Variants in DDX4 observed in about 807,000 individuals in gnomAD.
DDX4 encodes the protein DEAD-box helicase 4.
Under a neutral mutation model 100.0 loss-of-function variants are expected in DDX4, and 25 were observed. The ratio of observed to expected loss-of-function variants is 0.25; its 90% CI spans 0.18 to 0.35. The LOEUF (loss-of-function observed/expected upper bound fraction) is 0.35. Ranked by LOEUF, DDX4 falls within the 10% of genes least tolerant of loss-of-function variation. The probability of loss-of-function intolerance (pLI) is 1.00; values close to 1 mark genes in which losing one functional copy is unlikely to be tolerated. For synonymous variants in DDX4, 259 were observed against 275.7 expected (o/e 0.94, Z 0.60); for missense variants, 635 against 882.4 (o/e 0.72, Z 3.55).
intron 17 of DDX4, among the ~76,000 whole-genome samples, chr5:55,794,940 A>C (rs1249435427): frequency 6.7e-6 from 1 of 149,664 alleles, no homozygotes; most frequent in African/African-American, 2.5e-5. Context: ...CTGTATTCCT[A>C]ATCTCTCTCT....
intron 13 of DDX4, 124 bp from the exon 14 acceptor site, chr5:55,786,393 TA>T: frequency 1.6e-6 from 1 of 644,266 alleles, no homozygotes; most frequent in Non-Finnish European, 2.6e-6. Flanking sequence ...GGCATGTTAC[TA>T]AAGTCACTTT....
chr5:55,764,087 T>C (rs777014796), intron 6 of DDX4, 23 bp downstream of exon 6: 5 of 1,562,998 alleles, frequency 3.2e-6, no homozygotes, highest in Non-Finnish European at 4.4e-6. Flanking sequence ...TTTTTGTGTT[T>C]TAAAATTTAA....
intron 2 of DDX4, 49 bp from the exon 3 acceptor site, chr5:55,746,115 G>A (rs66846694): frequency 0.088 from 123,116 of 1,394,044 alleles, 7,710 homozygotes; most frequent in African/African-American, 0.3. Context: ...TAAATGACAC[G>A]TTCATATTCA....
In DDX4 at chr5:55,763,887, C is replaced by T. The variant is rs768209170; in HGVS notation, c.284-127C>T. 1.7e-5 allele frequency: 11 copies of T among 632,290 alleles called. 1 individual carries two copies. In the Admixed American group the frequency reaches 2.4e-4, roughly 14 times the overall value. 39.2% of individuals were successfully genotyped at this position (632,290 alleles called of 1,614,324 possible). A position where few individuals can be genotyped will look rare whatever the true frequency, so the allele number is the denominator to read the frequency against. ...TTGTTGTACAGCCTGAGTGAATTTG[C>T]ATGTGATAGCTATGTATACAATTGT... On this transcript the variant is annotated intron_variant, in intron 5 of 21. Transcript: ENST00000505374.
chr5:55,794,093 A>G (rs762537494), intron 17 of DDX4, among the ~76,000 whole-genome samples: 35 of 152,264 alleles, frequency 2.3e-4, no homozygotes, highest in Middle Eastern at 3.4e-3. Context: ...TAGAACTCAT[A>G]AGACAGCATT....
intron 3 of DDX4, among the ~76,000 whole-genome samples, chr5:55,748,766 T>C (rs1029521876): frequency 2.6e-5 from 4 of 152,174 alleles, no homozygotes; most frequent in Non-Finnish European, 1.5e-5. Flanking sequence ...AAATATGAAA[T>C]CTTAGCCCCT....
chr5:55,759,737 G>T (rs1236603741), intron 3 of DDX4, among the ~76,000 whole-genome samples: 1 of 152,162 alleles, frequency 6.6e-6, no homozygotes, highest in African/African-American at 2.4e-5. Flanking sequence ...ATCCAGAGGA[G>T]AAATTCATGT....
chr5:55,738,737 G>A (rs975866129), intron 1 of DDX4, among the ~76,000 whole-genome samples: 4 of 152,102 alleles, frequency 2.6e-5, no homozygotes, highest in Admixed American at 6.6e-5. Flanking sequence ...CTAGGTAAGA[G>A]GTTCAACTAG....
In DDX4 at chr5:55,770,930, C is replaced by A. The variant is rs1300605681; in HGVS notation, c.394+2990C>A. 2.0e-5 allele frequency among the ~76,000 whole-genome samples: 3 copies of A among 152,206 alleles called. No homozygotes were observed. In the East Asian group the frequency reaches 5.8e-4, roughly 29 times the overall value. On this transcript the variant is annotated intron_variant, in intron 7 of 21. Coordinates refer to ENST00000505374, the MANE Select transcript of DDX4 (RefSeq NM_024415.3). ...TGTACTATTAACATTTACTTTAAAT[C>A]AATTTAATTCATATTTAAATGAGGC... is the stretch of plus-strand genomic sequence containing the variant.
chr5:55,800,402 C>T lies in DDX4; in HGVS notation c.1615+1831C>T, dbSNP rs188973562. 3.0e-4 allele frequency among the ~76,000 whole-genome samples: 46 copies of T among 151,172 alleles called. No homozygotes were observed. In the East Asian group the frequency reaches 7.2e-3, roughly 24 times the overall value. On this transcript the variant is annotated intron_variant, in intron 18 of 21. Transcript: ENST00000505374. ...ACAGTGGCACAATCTCGGCTCACTG[C>T]AACCTCTGCCTCCCGGGTTCACGCC...
intron 18 of DDX4, among the ~76,000 whole-genome samples, chr5:55,813,333 G>A (rs538378279): frequency 6.6e-6 from 1 of 152,258 alleles, no homozygotes; most frequent in East Asian, 1.9e-4. Context: ...TTTATAGAGC[G>A]AGGGAAATGG....
chr5:55,764,176 A>G lies in DDX4; in HGVS notation c.334+112A>G, dbSNP rs113325105. The G allele has an allele frequency of 5.1e-5, 40 of 781,036 alleles. No individual in the cohort carries two copies. In the African/African-American group the frequency reaches 5.6e-4, roughly 11 times the overall value. The allele number at this position is 781,036 out of a possible 1,614,324, so 48.4% of individuals were successfully genotyped here. On this transcript the variant is annotated intron_variant, in intron 6 of 21. Transcript: ENST00000505374. ...GCCAATTCTAACTTATTTAAACCAG[A>G]TTTTATGAAGTAGCTATATCCAAAG...
intron 7 of DDX4, among the ~76,000 whole-genome samples, chr5:55,776,024 G>A (rs1045170669): frequency 6.6e-6 from 1 of 152,146 alleles, no homozygotes; most frequent in Non-Finnish European, 1.5e-5. Context: ...GGAGTCTGAG[G>A]CAGGAGAATC....
At position 55,787,860 on chromosome 5, in the gene DDX4, A is replaced by C. The variant is rs150460449; in HGVS notation, c.1032A>C (p.Leu344=). 3.1e-6 allele frequency: 5 copies of C among 1,612,084 alleles called. No homozygotes were observed. In the African/African-American group the frequency reaches 6.7e-5, roughly 22 times the overall value. Residue 344 remains leucine (L), a synonymous_variant, in exon 15 of 22, where the codon CTA becomes CTC. Transcript: ENST00000505374. ...TGSGKTAAFL[L]PILAHMMHDG... Reference sequence around the variant, plus strand: ...TTAACTTCTAGGCGGCTTTTCTCCTACCAATTTTGGCTCATATGATGCATG... The same window carrying C: ...TTAACTTCTAGGCGGCTTTTCTCCTCCCAATTTTGGCTCATATGATGCATG...
chr5:55,746,472 A>G (rs1407774907), intron 3 of DDX4, among the ~76,000 whole-genome samples: 2 of 152,230 alleles, frequency 1.3e-5, no homozygotes, highest in Non-Finnish European at 1.5e-5. Context: ...GAAGTTGCAC[A>G]TTCAGCTTCC....
chr5:55,745,293 C>T (rs1759191131), intron 2 of DDX4, among the ~76,000 whole-genome samples: 1 of 152,114 alleles, frequency 6.6e-6, no homozygotes, highest in South Asian at 2.1e-4. Context: ...AGTGTTAAAT[C>T]ACTAATACTC....
intron 10 of DDX4, 138 bp downstream of exon 10, chr5:55,782,119 A>G: frequency 1.1e-6 from 1 of 944,114 alleles, no homozygotes; most frequent in Non-Finnish European, 1.6e-6. Flanking sequence ...ATACACTGTG[A>G]GGACCATAAA....
intron 17 of DDX4, among the ~76,000 whole-genome samples, chr5:55,798,090 C>A (rs1743074364): frequency 6.6e-6 from 1 of 152,032 alleles, no homozygotes; most frequent in African/African-American, 2.4e-5. Context: ...AAAAATAATT[C>A]CTGCTTATTG....
At chr5:55,774,658 A>G (rs1168757799) in intron 7 of DDX4, among the ~76,000 whole-genome samples, 1 of 152,084 alleles carries the variant, frequency 6.6e-6, no homozygotes, top group East Asian at 1.9e-4. Context: ...TAGTTCTTAC[A>G]CTTAAGTCTT....
Sources: gnomAD v4.1 joint callset for allele counts (sites outside exome capture counted in the v4.1 genomes callset) on GRCh38, gnomAD v4.1.1 for gene constraint, MANE v1.5 for transcripts, NCBI Gene and HGNC (gene_info 2026-07-23, HGNC 2026-07-21) for gene names.